Variants in MAP4 observed in about 807,000 individuals in gnomAD.
MAP4 encodes the protein microtubule associated protein 4, also known as microtubule-associated protein 4.
A neutral mutation model predicts 170.2 loss-of-function variants in MAP4; 76 were observed. The observed-to-expected ratio is 0.45, with a 90% confidence interval of 0.37 to 0.54. MAP4 has a LOEUF of 0.54. Among genes scored for constraint, MAP4 ranks in the 20% least tolerant of loss-of-function variants. MAP4 has a pLI of 0.00. For missense variants in MAP4, 2,506 were observed against 2,748.0 expected (o/e 0.91, Z 1.97); for synonymous variants, 909 against 994.5 (o/e 0.91, Z 1.62).
intron 1 of MAP4, among the ~76,000 whole-genome samples, chr3:48,083,850 G>T (rs1012709300): frequency 1.4e-5 from 2 of 148,026 alleles, no homozygotes; most frequent in East Asian, 4.1e-4. Context: ...TCTCAGCCTC[G>T]CGAGTAGCTG....
intron 1 of MAP4, among the ~76,000 whole-genome samples, chr3:48,074,561 T>C (rs966548713): frequency 9.5e-5 from 14 of 146,866 alleles, no homozygotes; most frequent in Admixed American, 1.4e-4. Flanking sequence ...TTGCCCATGC[T>C]GGATTGCAAT....
intron 1 of MAP4, among the ~76,000 whole-genome samples, chr3:48,038,073 C>A (rs1247225307): frequency 6.7e-6 from 1 of 150,240 alleles, no homozygotes; most frequent in African/African-American, 2.5e-5. Context: ...GAGGCTGAGG[C>A]AAGAGAATCG....
At chr3:47,861,751 C>T (rs993157521) in intron 17 of MAP4, among the ~76,000 whole-genome samples, 1 of 152,046 alleles carries the variant, frequency 6.6e-6, no homozygotes, top group Non-Finnish European at 1.5e-5. Context: ...CCTGGCTACT[C>T]AGGAGGCTGA....
intron 3 of MAP4, chr3:47,973,388 G>A (rs1457554398): frequency 1.0e-6 from 1 of 985,220 alleles, no homozygotes; most frequent in African/African-American, 1.7e-5. Context: ...TGACCACTAT[G>A]GCAATACAGC....
chr3:47,875,601 T>C, intron 12 of MAP4, 84 bp downstream of exon 12: 1 of 1,224,612 alleles, frequency 8.2e-7, no homozygotes, highest in Non-Finnish European at 1.2e-6. Context: ...CCTGATTCTG[T>C]TGTCTGTTAG....
intron 7 of MAP4, 98 bp from the exon 8 acceptor site, chr3:47,915,037 G>C: frequency 1.4e-6 from 2 of 1,459,696 alleles, no homozygotes; most frequent in Non-Finnish European, 1.9e-6. Flanking sequence ...TTTCTGAGGA[G>C]TTCTCCTACA....
intron 1 of MAP4, among the ~76,000 whole-genome samples, chr3:48,051,223 G>A (rs1444131638): frequency 2.0e-5 from 3 of 151,732 alleles, no homozygotes; most frequent in African/African-American, 4.8e-5. Flanking sequence ...GACCAGCCTG[G>A]GCAACATGGC....
At chr3:48,053,088 C>T (rs1037104810) in intron 1 of MAP4, among the ~76,000 whole-genome samples, 3 of 152,100 alleles carry the variant, frequency 2.0e-5, no homozygotes, top group Non-Finnish European at 4.4e-5. Flanking sequence ...TTTATAATTA[C>T]TGGTTTTGAG....
At chr3:48,019,442 C>A, upstream of MAP4, among the ~76,000 whole-genome samples, 1 of 152,116 alleles carries the variant, frequency 6.6e-6, no homozygotes, top group East Asian at 1.9e-4. Flanking sequence ...AATATTAAAT[C>A]TCTATAGTTA....
At chr3:47,886,982 T>C (rs1319154129) in intron 10 of MAP4, among the ~76,000 whole-genome samples, 2 of 152,256 alleles carry the variant, frequency 1.3e-5, no homozygotes, top group Admixed American at 1.3e-4. Context: ...AGCTACTTTA[T>C]CTGCTATCAT....
At chr3:48,053,081 A>G (rs909860556) in intron 1 of MAP4, among the ~76,000 whole-genome samples, 1 of 152,228 alleles carries the variant, frequency 6.6e-6, no homozygotes, top group Non-Finnish European at 1.5e-5. Context: ...AAGTGGTTTT[A>G]TAATTACTGG....
At chr3:47,893,330 T>C (rs2100025074) in intron 10 of MAP4, among the ~76,000 whole-genome samples, 1 of 152,220 alleles carries the variant, frequency 6.6e-6, no homozygotes, top group South Asian at 2.1e-4. Flanking sequence ...ACTTGGTTCC[T>C]TGGATGAGCT....
intron 17 of MAP4, among the ~76,000 whole-genome samples, chr3:47,863,917 TGTGG>T: frequency 7.7e-6 from 1 of 130,208 alleles, no homozygotes; most frequent in Non-Finnish European, 1.6e-5. Context: ...TGTGTGTGGG[TGTGG>T]GTGTGTGTGT....
chr3:47,915,373 C>A (rs2100038192), intron 7 of MAP4, among the ~76,000 whole-genome samples: 1 of 152,126 alleles, frequency 6.6e-6, no homozygotes, highest in African/African-American at 2.4e-5. Context: ...ACCTCGGCCG[C>A]CCAAAGTGCT....
chr3:48,056,764 G>A (rs1165991824), intron 1 of MAP4, among the ~76,000 whole-genome samples: 17 of 56,856 alleles, frequency 3.0e-4, no homozygotes, highest in Admixed American at 3.9e-4. Context: ...CCCTCTGCCC[G>A]GCCAGCCGCC....
At chr3:47,879,531 C>T (rs577738400) in intron 10 of MAP4, among the ~76,000 whole-genome samples, 70 of 152,238 alleles carry the variant, frequency 4.6e-4, no homozygotes, top group African/African-American at 1.6e-3. Context: ...TGATATCCTA[C>T]GTAAATACAG....
At chr3:48,028,960 T>C (rs1171220464) in intron 1 of MAP4, among the ~76,000 whole-genome samples, 2 of 151,384 alleles carry the variant, frequency 1.3e-5, no homozygotes, top group African/African-American at 4.9e-5. Flanking sequence ...CTGGGCAACA[T>C]GGTGAACCCC....
Position 47,910,667 on chromosome 3 carries a change from T to C in MAP4, c.3754A>G (p.Ser1252Gly), listed in dbSNP as rs1156927109. The part of the protein sequence containing the change: ...PFEGKDGDTG[S>G]IPHKSKEIGF... ...ATTTCCTTGCTTTTATGGGGAATAC[T>C]ACCAGTATCTCCATCCTTCCCTTCA... The change falls in exon 9 of 21, where the codon AGT becomes GGT. Residue 1252 changes from serine (S) to glycine (G), a missense_variant. Physicochemically the swap from Ser to Gly is moderately conservative, Grantham distance 56. This residue lies in a region of MAP4 where 2,008 missense variants were observed against 2,206.0 expected (regional missense o/e 0.91). Transcript: ENST00000683076. The C allele has an allele frequency of 3.3e-6, 5 of 1,535,940 alleles. No individual in the cohort carries two copies. The South Asian group carries it at 3.6e-5, about 11-fold the overall frequency.
intron 3 of MAP4, among the ~76,000 whole-genome samples, chr3:47,931,133 G>A (rs993647052): frequency 2.0e-5 from 3 of 151,970 alleles, no homozygotes; most frequent in Non-Finnish European, 4.4e-5. Flanking sequence ...CCAGTACTTC[G>A]GGAAGCTGAG....
Sources: allele counts gnomAD v4.1 joint callset (sites outside exome capture counted in the v4.1 genomes callset), GRCh38; gene constraint gnomAD v4.1.1; regional missense constraint gnomAD v4.1.1; transcripts MANE v1.5; gene names NCBI Gene and HGNC (gene_info 2026-07-23, HGNC 2026-07-21).